Variants in SLC35F3 observed in about 807,000 individuals in gnomAD.
SLC35F3 encodes solute carrier family 35 member F3, also known as putative thiamine transporter SLC35F3.
A neutral mutation model predicts 49.9 loss-of-function variants in SLC35F3; 25 were observed. The ratio of observed to expected loss-of-function variants is 0.50; its 90% confidence interval spans 0.37 to 0.70. The LOEUF (loss-of-function observed/expected upper bound fraction) is 0.70. Ranked by LOEUF, SLC35F3 falls within the 30% of genes least tolerant of loss-of-function variation. SLC35F3 has a pLI of 0.00. For missense variants in SLC35F3, 525 were observed against 639.8 expected, an observed-to-expected ratio of 0.82 and a Z score of 1.94; for synonymous variants, 275 against 265.4, an observed-to-expected ratio of 1.04 and a Z score of -0.35.
chr1:234,204,918 G>A (rs1203976364), intron 2 of SLC35F3, among the ~76,000 whole-genome samples: 3 of 152,244 alleles, frequency 2.0e-5, no homozygotes, highest in Non-Finnish European at 4.4e-5. Flanking sequence ...AAAGCAAGGT[G>A]TGTTGCCCAA....
At chr1:233,993,535 G>T (rs1467555183) in intron 2 of SLC35F3, among the ~76,000 whole-genome samples, 1 of 152,118 alleles carries the variant, frequency 6.6e-6, no homozygotes, top group Non-Finnish European at 1.5e-5. Flanking sequence ...CCTTTCTTAG[G>T]TAATCAAAGA....
At chr1:234,279,142 A>G (rs1216826613) in intron 3 of SLC35F3, among the ~76,000 whole-genome samples, 2 of 152,170 alleles carry the variant, frequency 1.3e-5, no homozygotes, top group Non-Finnish European at 2.9e-5. Flanking sequence ...GATGGCTCCA[A>G]GCAAAGGCAG....
intron 3 of SLC35F3, among the ~76,000 whole-genome samples, chr1:234,270,490 T>G (rs1289238828): frequency 3.3e-5 from 5 of 152,204 alleles, no homozygotes; most frequent in Non-Finnish European, 7.3e-5. Flanking sequence ...AGATAAATAA[T>G]TTTAGGCTAA....
intron 2 of SLC35F3, among the ~76,000 whole-genome samples, chr1:233,930,158 A>T (rs372533625): frequency 1.2e-5 from 1 of 81,622 alleles, no homozygotes; most frequent in African/African-American, 3.3e-5. Context: ...CTTAAAAGAA[A>T]AAAAAAAAAG....
intron 3 of SLC35F3, among the ~76,000 whole-genome samples, chr1:234,298,863 A>T (rs1293747414): frequency 1.3e-5 from 2 of 152,214 alleles, no homozygotes; most frequent in Non-Finnish European, 2.9e-5. Flanking sequence ...TTGTTGTGGG[A>T]CATCAGAGAG....
chr1:233,925,295 T>TG (rs1662138608), intron 2 of SLC35F3, among the ~76,000 whole-genome samples: 1 of 152,208 alleles, frequency 6.6e-6, no homozygotes, highest in Non-Finnish European at 1.5e-5. Flanking sequence ...TCTAAGGACT[T>TG]GCTTTATGAA....
chr1:233,983,333 G>T (rs1310697790), intron 2 of SLC35F3, among the ~76,000 whole-genome samples: 2 of 152,096 alleles, frequency 1.3e-5, no homozygotes, highest in African/African-American at 2.4e-5. Context: ...TCGGGAACAA[G>T]TACCTTATTA....
chr1:233,926,296 A>G (rs1662159561), intron 2 of SLC35F3, among the ~76,000 whole-genome samples: 2 of 151,936 alleles, frequency 1.3e-5, no homozygotes, highest in Non-Finnish European at 2.9e-5. Flanking sequence ...TGGTCTTTTC[A>G]CATAGTCTCA....
chr1:233,971,582 G>A lies in SLC35F3; in HGVS notation c.283+65824G>A, dbSNP rs181935446. Among the ~76,000 whole-genome samples the A allele has an allele frequency of 7.2e-5, 11 of 152,194 alleles. No individual in the cohort carries two copies. In the East Asian group the frequency reaches 1.9e-3, roughly 27 times the overall value. On this transcript the variant is annotated intron_variant, in intron 2 of 7. Transcript: ENST00000366618. ...TAAGAATACAAAAATTAGCCAGCGT[G>A]GTGGTGGTAGCCTGTAATCCCAGCT...
intron 2 of SLC35F3, among the ~76,000 whole-genome samples, chr1:233,961,277 G>A (rs746138056): frequency 2.6e-5 from 4 of 151,950 alleles, no homozygotes; most frequent in East Asian, 1.9e-4. Flanking sequence ...CCCAGTGTGC[G>A]GTGGGCAGAC....
chr1:234,207,669 T>G (rs2753398), intron 2 of SLC35F3, among the ~76,000 whole-genome samples: 66,948 of 151,498 alleles, frequency 0.44, 16,079 homozygotes, highest in Non-Finnish European at 0.56. Flanking sequence ...TCTAACATAG[T>G]ACTCCAACAA....
chr1:233,987,157 G>A (rs1013373894), intron 2 of SLC35F3, among the ~76,000 whole-genome samples: 2 of 152,116 alleles, frequency 1.3e-5, no homozygotes, highest in Non-Finnish European at 2.9e-5. Flanking sequence ...AGGCGTGGTG[G>A]CACATGCCTG....
chr1:234,311,604 T>G (rs1399067185), intron 4 of SLC35F3, among the ~76,000 whole-genome samples: 1 of 152,204 alleles, frequency 6.6e-6, no homozygotes, highest in African/African-American at 2.4e-5. Flanking sequence ...TAGGTCGAAG[T>G]CATGTGCGCA....
intron 2 of SLC35F3, among the ~76,000 whole-genome samples, chr1:234,125,757 CATATT>C (rs1175733218): frequency 6.6e-6 from 1 of 152,208 alleles, no homozygotes; most frequent in Non-Finnish European, 1.5e-5. Flanking sequence ...GCATTGTTCA[CATATT>C]ATAGTCAAAA....
At chr1:234,019,361 G>A (rs780074777) in intron 2 of SLC35F3, among the ~76,000 whole-genome samples, 16 of 146,722 alleles carry the variant, frequency 1.1e-4, no homozygotes, top group Non-Finnish European at 2.1e-4. Flanking sequence ...ATATGTGTGT[G>A]TGTAATGAGA....
chr1:234,020,413 A>G (rs921114098), intron 2 of SLC35F3, among the ~76,000 whole-genome samples: 5 of 152,210 alleles, frequency 3.3e-5, no homozygotes, highest in African/African-American at 1.2e-4. Context: ...GGCTATTATT[A>G]TAAAGTCCTT....
chr1:234,051,096 G>C (rs574389365), intron 2 of SLC35F3, among the ~76,000 whole-genome samples: 2 of 152,130 alleles, frequency 1.3e-5, no homozygotes, highest in Non-Finnish European at 2.9e-5. Flanking sequence ...TGTTCTTTTG[G>C]CTTAGGATTG....
At chr1:234,006,041 A>G (rs990165165) in intron 2 of SLC35F3, among the ~76,000 whole-genome samples, 8 of 152,092 alleles carry the variant, frequency 5.3e-5, no homozygotes, top group African/African-American at 1.9e-4. Context: ...GTACTTCACT[A>G]CCTCGATACT....
intron 2 of SLC35F3, among the ~76,000 whole-genome samples, chr1:234,068,069 C>A (rs898618259): frequency 6.6e-6 from 1 of 152,128 alleles, no homozygotes; most frequent in Non-Finnish European, 1.5e-5. Flanking sequence ...AACCTCATGG[C>A]TCTCCTAGAG....
Sources: gnomAD v4.1 joint callset for allele counts (sites outside exome capture counted in the v4.1 genomes callset) on GRCh38, gnomAD v4.1.1 for gene constraint, MANE v1.5 for transcripts, NCBI Gene and HGNC (gene_info 2026-07-23, HGNC 2026-07-21) for gene names.